Variants in FAT3 observed in about 807,000 individuals in gnomAD.
FAT3 encodes protocadherin Fat 3.
In FAT3, 95 loss-of-function variants were observed where a neutral mutation model predicts 310.2. That is an observed-to-expected ratio of 0.31 (90% CI 0.26 to 0.36). The LOEUF is 0.36. FAT3 is among the 10% of genes least tolerant of loss of function. The pLI is 1.00. For missense variants in FAT3, 5,408 were observed against 5,715.6 expected, an observed-to-expected ratio of 0.95 and a Z score of 1.74; for synonymous variants, 2,314 against 2,192.9, an observed-to-expected ratio of 1.06 and a Z score of -1.54.
Position 92,825,120 on chromosome 11 carries a change from T to C in FAT3, c.9482-6502T>C, listed in dbSNP as rs184927657. ...GCAGTTTTTTCCACATTGTCCTTTTTCAAGGTTATTTAATTCTTTCAGCAC... is the reference window on the plus strand; with the variant it reads ...GCAGTTTTTTCCACATTGTCCTTTTCCAAGGTTATTTAATTCTTTCAGCAC... On this transcript the variant is annotated intron_variant, in intron 13 of 27. Coordinates refer to ENST00000525166, the MANE Select transcript of FAT3 (RefSeq NM_001367949.2). Among the ~76,000 whole-genome samples, 272 of 152,350 alleles carry C rather than the reference T, an allele frequency of 1.8e-3. 3 individuals carry two copies. Among genetic ancestry groups the C allele is most frequent in the Non-Finnish European group, 3.3e-3 (223 of 68,028 alleles).
chr11:92,508,282 A>G (rs970508474), intron 2 of FAT3, among the ~76,000 whole-genome samples: 1 of 152,186 alleles, frequency 6.6e-6, no homozygotes, highest in Admixed American at 6.5e-5. Flanking sequence ...CTTGGTAAAC[A>G]TAAAATCACC....
Position 92,438,503 on chromosome 11 carries a change from C to T in FAT3, c.3292+83099C>T, listed in dbSNP as rs186609744. ...TTAAATGTGCAATTCTGTAGTATTA[C>T]GTACACTCACATTATTGTGCGACTA... On this transcript the variant is annotated intron_variant, in intron 2 of 27. Coordinates refer to ENST00000525166, the MANE Select transcript of FAT3 (RefSeq NM_001367949.2). Among the ~76,000 whole-genome samples, 779 of 152,240 alleles carry T rather than the reference C, an allele frequency of 5.1e-3. 6 individuals carry two copies. The highest frequency in any genetic ancestry group is 0.018 in the African/African-American group (737 of 41,544).
At chr11:92,275,313 C>A (rs1478121711) in intron 1 of FAT3, among the ~76,000 whole-genome samples, 2 of 152,048 alleles carry the variant, frequency 1.3e-5, no homozygotes, top group East Asian at 3.9e-4. Flanking sequence ...CACTTTTAGC[C>A]ACTTACATTT....
chr11:92,247,099 C>T (rs1380857492), intron 1 of FAT3, among the ~76,000 whole-genome samples: 6 of 152,138 alleles, frequency 3.9e-5, no homozygotes, highest in South Asian at 2.1e-4. Flanking sequence ...GTGATTCCAG[C>T]GACGTGGCAG....
intron 3 of FAT3, among the ~76,000 whole-genome samples, chr11:92,569,488 C>G (rs561187399): frequency 6.6e-6 from 1 of 152,208 alleles, no homozygotes; most frequent in South Asian, 2.1e-4. Flanking sequence ...AATGTTAACT[C>G]AGAAAGAAAA....
At chr11:92,517,888 C>T (rs1360804393) in intron 2 of FAT3, among the ~76,000 whole-genome samples, 1 of 152,152 alleles carries the variant, frequency 6.6e-6, no homozygotes, top group Non-Finnish European at 1.5e-5. Flanking sequence ...CATCACTGGT[C>T]ATTAGAGAAA....
At chr11:92,460,256 TC>T (rs1265224113) in intron 2 of FAT3, among the ~76,000 whole-genome samples, 7 of 151,460 alleles carry the variant, frequency 4.6e-5, no homozygotes, top group East Asian at 1.9e-4. Flanking sequence ...TCTTGTCTGG[TC>T]CCTGGCAGCT....
chr11:92,354,041 C>G lies in FAT3; in HGVS notation c.1929C>G (p.Gly643=). 6.2e-7 allele frequency: 1 copy of G among 1,613,436 alleles called. No homozygotes were observed. Among genetic ancestry groups the G allele is most frequent in the Non-Finnish European group, 8.5e-7 (1 of 1,179,684 alleles). Residue 643 remains glycine, a synonymous_variant, in exon 2 of 28, where the codon GGC becomes GGG. Transcript: ENST00000525166. ...TTAAAAAATCACTGACAAATTCTGG[C>G]ATTAAAAATGGCAATTTTGCCCTCA... ...LQLKKSLTNS[G]IKNGNFALRI...
intron 1 of FAT3, among the ~76,000 whole-genome samples, chr11:92,247,871 A>G (rs902489468): frequency 6.6e-6 from 1 of 151,942 alleles, no homozygotes; most frequent in East Asian, 1.9e-4. Context: ...CAGTAGGCTG[A>G]CGCTAGAGAA....
intron 4 of FAT3, among the ~76,000 whole-genome samples, chr11:92,713,849 A>G (rs1944597421): frequency 6.6e-6 from 1 of 152,216 alleles, no homozygotes; most frequent in Admixed American, 6.5e-5. Flanking sequence ...CTCAGTTCAT[A>G]ATTTTCTGTT....
At chr11:92,275,889 T>A (rs560419788) in intron 1 of FAT3, among the ~76,000 whole-genome samples, 1 of 152,136 alleles carries the variant, frequency 6.6e-6, no homozygotes, top group Non-Finnish European at 1.5e-5. Flanking sequence ...GGATTAGGTA[T>A]CTCATCTTTA....
intron 1 of FAT3, among the ~76,000 whole-genome samples, chr11:92,231,492 G>T (rs566351227): frequency 2.1e-4 from 32 of 152,194 alleles, no homozygotes; most frequent in African/African-American, 7.7e-4. Flanking sequence ...AGATGTTGGA[G>T]ATAAGCCCAG....
intron 3 of FAT3, among the ~76,000 whole-genome samples, chr11:92,608,860 C>T (rs1032878470): frequency 1.3e-5 from 2 of 152,070 alleles, no homozygotes; most frequent in African/African-American, 4.8e-5. Context: ...CATTGAGAAC[C>T]TCCCTTTGCA....
At position 92,369,227 on chromosome 11, in the gene FAT3, T is replaced by TG. The variant is rs1220553803; in HGVS notation, c.3292+13825dup. Among the ~76,000 whole-genome samples, 4 of 152,278 alleles carry TG rather than the reference T, an allele frequency of 2.6e-5. No homozygotes were observed. The East Asian group carries it at 7.7e-4, about 29-fold the overall frequency. Reference sequence around the variant, plus strand: ...CATTGTTAGGATCCTCCCTGGGGCTTGGAAGTGTTGGCTTTAATAGCTTCA... The same window carrying TG: ...CATTGTTAGGATCCTCCCTGGGGCTTGGGAAGTGTTGGCTTTAATAGCTTCA... On this transcript the variant is annotated intron_variant, in intron 2 of 27. Coordinates refer to ENST00000525166, the MANE Select transcript of FAT3 (RefSeq NM_001367949.2).
intron 4 of FAT3, among the ~76,000 whole-genome samples, chr11:92,744,547 A>T (rs924658543): frequency 6.6e-6 from 1 of 152,186 alleles, no homozygotes; most frequent in Non-Finnish European, 1.5e-5. Context: ...ATATTTTATA[A>T]CCATTTTTTT....
chr11:92,792,284 C>T (rs761180497), intron 8 of FAT3, among the ~76,000 whole-genome samples: 3 of 152,190 alleles, frequency 2.0e-5, no homozygotes, highest in Admixed American at 6.5e-5. Context: ...GCTGAACCAC[C>T]AGTGCAAAGC....
intron 3 of FAT3, among the ~76,000 whole-genome samples, chr11:92,679,509 TA>T (rs1020579289): frequency 6.6e-6 from 1 of 152,030 alleles, no homozygotes; most frequent in African/African-American, 2.4e-5. Flanking sequence ...TGAGGTAAGA[TA>T]ATATCTTACT....
chr11:92,367,160 T>A, intron 2 of FAT3: 1 of 385,730 alleles, frequency 2.6e-6, no homozygotes, highest in Admixed American at 2.8e-5. Context: ...CCTGCTGGGC[T>A]CAGGTTGGCA....
intron 3 of FAT3, among the ~76,000 whole-genome samples, chr11:92,636,239 G>T (rs905777930): frequency 1.3e-5 from 2 of 152,166 alleles, no homozygotes; most frequent in Admixed American, 1.3e-4. Flanking sequence ...TGGGATTACA[G>T]ATGTGAGCCA....
Sources: gnomAD v4.1 joint callset for allele counts (sites outside exome capture counted in the v4.1 genomes callset) on GRCh38, gnomAD v4.1.1 for gene constraint, MANE v1.5 for transcripts, NCBI Gene and HGNC (gene_info 2026-07-23, HGNC 2026-07-21) for gene names.